Variants in C12orf76 observed in about 807,000 individuals in gnomAD.
C12orf76 encodes uncharacterized protein C12orf76.
C12orf76 carries 6 observed loss-of-function variants against 6.8 expected under a neutral mutation model. That is an observed-to-expected ratio of 0.88 (90% CI 0.48 to 1.73). The LOEUF (loss-of-function observed/expected upper bound fraction) is 1.73, where lower values mean the gene tolerates loss of function less well. Ranked by LOEUF, C12orf76 falls within the 40% of genes most tolerant of loss-of-function variation. The pLI is 0.01. For missense variants in C12orf76, 99 were observed against 98.2 expected (o/e 1.01, Z -0.03); for synonymous variants, 56 against 43.7 (o/e 1.28, Z -1.11).
At chr12:110,063,232 A>G (rs566147117) in intron 2 of C12orf76, among the ~76,000 whole-genome samples, 67 of 150,260 alleles carry the variant, frequency 4.5e-4, no homozygotes, top group African/African-American at 1.6e-3. Context: ...GAGCCACCAC[A>G]CCCAGCCCCC....
At chr12:110,057,224 A>G (rs1166536299) in exon 4 of C12orf76, 2 of 1,614,142 alleles carry the variant, frequency 1.2e-6, no homozygotes, top group Admixed American at 1.7e-5. Context: ...CCATGCCAGC[A>G]TGGTTAGATT....
At chr12:110,053,921 GA>G (rs1892626702), upstream of C12orf76, among the ~76,000 whole-genome samples, 1 of 151,866 alleles carries the variant, frequency 6.6e-6, no homozygotes, top group Admixed American at 6.6e-5. Flanking sequence ...CTGTCTTGAC[GA>G]AAAATACAAA....
At chr12:110,053,864 G>A (rs1892625326), upstream of C12orf76, among the ~76,000 whole-genome samples, 1 of 151,814 alleles carries the variant, frequency 6.6e-6, no homozygotes, top group African/African-American at 2.4e-5. Flanking sequence ...CAGGGGAATT[G>A]CTTGAGCCCA....
At chr12:110,062,136 C>T (rs1372017234) in intron 2 of C12orf76, among the ~76,000 whole-genome samples, 1 of 151,890 alleles carries the variant, frequency 6.6e-6, no homozygotes, top group Non-Finnish European at 1.5e-5. Context: ...TGGTGGCGCA[C>T]GCCTGTAATC....
chr12:110,056,571 C>T (rs1160878694), intron 4 of C12orf76, among the ~76,000 whole-genome samples: 5 of 152,006 alleles, frequency 3.3e-5, no homozygotes. Context: ...CACAGTAAGA[C>T]TCCAGTCTCT....
chr12:110,057,422 C>T lies in C12orf76; in HGVS notation n.557-126G>A, dbSNP rs190178367. 3,671 of 665,966 alleles carry T rather than the reference C, an allele frequency of 5.5e-3. 190 individuals carry two copies. The Admixed American group carries it at 0.08, about 15-fold the overall frequency. The allele number at this position is 665,966 out of a possible 1,614,324, so 41.3% of individuals were successfully genotyped here. ...TTCATGGACCCCTAAAGAACAGTGGCGCCGGGCACTGTGCCTGCAGTGCGG... is the reference window on the plus strand; with the variant it reads ...TTCATGGACCCCTAAAGAACAGTGGTGCCGGGCACTGTGCCTGCAGTGCGG... On this transcript the variant is annotated intron_variant and non_coding_transcript_variant, in intron 3 of 4. Transcript: ENST00000309050.
At chr12:110,059,208 T>C (rs1254628432) in intron 2 of C12orf76, 16 of 1,526,088 alleles carry the variant, frequency 1.0e-5, no homozygotes, top group Non-Finnish European at 1.2e-5. Context: ...TTTTGTGTGT[T>C]GATCTTGTTC....
In C12orf76 at chr12:110,057,231, G is replaced by A. The variant is rs762623261; in HGVS notation, n.622C>T. ...GATGGGCCCCATGCCAGCATGGTTA[G>A]ATTGTTCTTCAAGCTCTGCAGGGAG... is the stretch of plus-strand genomic sequence containing the variant. On this transcript the variant is annotated non_coding_transcript_exon_variant, in exon 4 of 5. Coordinates refer to the C12orf76 transcript ENST00000309050. 2.5e-6 allele frequency: 4 copies of A among 1,614,032 alleles called. No individual in the cohort carries two copies. In the African/African-American group the frequency reaches 5.3e-5, roughly 22 times the overall value.
Position 110,041,431 on chromosome 12 carries a change from ATCATT to A in C12orf76, c.*938_*942del, listed in dbSNP as rs1398717557. The A allele has an allele frequency of 6.6e-6, 1 of 152,636 alleles. No homozygotes were observed. Among genetic ancestry groups the A allele is most frequent in the African/African-American group, 2.4e-5 (1 of 41,478 alleles). 9.5% of individuals were successfully genotyped at this position (152,636 alleles called of 1,614,324 possible). A position where few individuals can be genotyped will look rare whatever the true frequency, so the allele number is the denominator to read the frequency against. On this transcript the variant is annotated 3_prime_UTR_variant, in exon 2 of 2. Coordinates refer to ENST00000615315, the MANE Select transcript of C12orf76 (RefSeq NM_001389625.1). ...ACGACAGCTTTATAAGTATGAAAGTATCATTTCAATAGGAGGAAAAAATCCAGTTC... is the reference window on the plus strand; with the variant it reads ...ACGACAGCTTTATAAGTATGAAAGTATCAATAGGAGGAAAAAATCCAGTTC...
chr12:110,056,835 C>G lies in C12orf76; in HGVS notation n.664+354G>C, dbSNP rs191861283. 9 of 199,372 alleles carry G rather than the reference C, an allele frequency of 4.5e-5. No homozygotes were observed. In the East Asian group the frequency reaches 1.1e-3, roughly 24 times the overall value. The allele number at this position is 199,372 out of a possible 1,614,324, so 12.4% of individuals were successfully genotyped here. On this transcript the variant is annotated intron_variant and non_coding_transcript_variant, in intron 4 of 4. Coordinates refer to the C12orf76 transcript ENST00000309050. Reference sequence around the variant, plus strand: ...GCTCTTAGTCACTTGTTGCCTGCCACCACGTAAGACGTACTTTTCACTTTC... The same window carrying G: ...GCTCTTAGTCACTTGTTGCCTGCCAGCACGTAAGACGTACTTTTCACTTTC...
rs547483163 is a variant in C12orf76, at chr12:110,044,779, G to A, written c.134-2320C>T. Among the ~76,000 whole-genome samples, 148 of 152,156 alleles carry A rather than the reference G, an allele frequency of 9.7e-4. 4 individuals carry two copies. The highest frequency in any genetic ancestry group is 1.1e-3 in the Non-Finnish European group (78 of 68,016). On this transcript the variant is annotated intron_variant, in intron 1 of 1. Transcript: ENST00000615315. Reference sequence around the variant, plus strand: ...ACCTGAAGTCGGGAGTTCGAGACCAGCCTGACCAACATGGAGAAACCCTGT... The same window carrying A: ...ACCTGAAGTCGGGAGTTCGAGACCAACCTGACCAACATGGAGAAACCCTGT...
upstream of C12orf76, among the ~76,000 whole-genome samples, chr12:110,068,248 AAGAAGAAGAAGAAG>A (rs1791460915): frequency 6.8e-5 from 1 of 14,734 alleles, no homozygotes; most frequent in African/African-American, 3.2e-4. Flanking sequence ...AAGAAGAAGA[AAGAAGAAGAAGAAG>A]AAGAAGAAGA....
At chr12:110,051,716 T>G (rs1199552557), upstream of C12orf76, among the ~76,000 whole-genome samples, 1 of 151,706 alleles carries the variant, frequency 6.6e-6, no homozygotes, top group Non-Finnish European at 1.5e-5. Flanking sequence ...TGAGCCACCA[T>G]GCCCGGCCCC....
At position 110,042,119 on chromosome 12, in the gene C12orf76, G is replaced by A. The variant is rs1283572353; in HGVS notation, c.*255C>T. The stretch of plus-strand genomic sequence containing the variant: ...CTCCATCTTTACACTGACCTTTGGA[G>A]CTTTCAGGTCTTACTTTTAACAAGT... On this transcript the variant is annotated 3_prime_UTR_variant, in exon 2 of 2. Transcript: ENST00000615315. The A allele has an allele frequency of 5.6e-6, 3 of 538,252 alleles. No homozygotes were observed. The Admixed American group carries it at 9.3e-5, about 17-fold the overall frequency. 33.3% of individuals were successfully genotyped at this position (538,252 alleles called of 1,614,324 possible).
intron 1 of C12orf76, chr12:110,042,748 C>A: frequency 1.6e-6 from 1 of 615,478 alleles, no homozygotes. Context: ...CAGGAAGCAT[C>A]CGAGGAGGAG....
At chr12:110,073,495 T>C (rs1892986042) in exon 1 of C12orf76, 1 of 522,150 alleles carries the variant, frequency 1.9e-6, no homozygotes, top group Non-Finnish European at 3.8e-6. Context: ...CGGGCGACTT[T>C]GTTTGTCTCA....
upstream of C12orf76, among the ~76,000 whole-genome samples, chr12:110,069,467 A>G (rs1249377175): frequency 1.3e-5 from 2 of 152,140 alleles, no homozygotes; most frequent in Non-Finnish European, 2.9e-5. Context: ...AAAAAAACCC[A>G]TGGCTTATCA....
chr12:110,048,689 C>A (rs1029979824), upstream of C12orf76: 6 of 1,244,740 alleles, frequency 4.8e-6, no homozygotes, highest in Non-Finnish European at 6.0e-6. Context: ...ACTAATGTTT[C>A]CCCCGGACCA....
chr12:110,060,032 C>T (rs1892742674), intron 2 of C12orf76, among the ~76,000 whole-genome samples: 3 of 152,144 alleles, frequency 2.0e-5, no homozygotes, highest in East Asian at 1.9e-4. Flanking sequence ...CTCCTGTCCC[C>T]TTTCCATCTG....
Sources: allele counts gnomAD v4.1 joint callset (sites outside exome capture counted in the v4.1 genomes callset), GRCh38; gene constraint gnomAD v4.1.1; transcripts MANE v1.5; gene names NCBI Gene and HGNC (gene_info 2026-07-23, HGNC 2026-07-21).